Variants in TMEM182 observed in about 807,000 individuals in gnomAD.
TMEM182 encodes the protein transmembrane protein 182.
Under a neutral mutation model 26.8 loss-of-function variants are expected in TMEM182, and 20 were observed. The ratio of observed to expected loss-of-function variants is 0.75; its 90% CI spans 0.53 to 1.09. TMEM182 has a LOEUF of 1.09. TMEM182 is among the 50% of genes least tolerant of loss of function. The pLI, the probability that TMEM182 is intolerant of heterozygous loss-of-function variation, is 0.00. For missense variants in TMEM182, 277 were observed against 275.5 expected (o/e 1.01, Z -0.04); for synonymous variants, 109 against 102.2 (o/e 1.07, Z -0.40).
At chr2:102,772,637 G>C (rs1481249370) in intron 3 of TMEM182, among the ~76,000 whole-genome samples, 1 of 152,108 alleles carries the variant, frequency 6.6e-6, no homozygotes, top group Non-Finnish European at 1.5e-5. Context: ...TGGGCTTCCG[G>C]TCTGCCTTCA....
chr2:102,837,897 C>T (rs759870165), intron 3 of TMEM182, among the ~76,000 whole-genome samples: 26 of 152,266 alleles, frequency 1.7e-4, no homozygotes, highest in Non-Finnish European at 1.0e-4. Context: ...GGGCTAGCTA[C>T]GTCATTCATG....
chr2:102,778,035 T>C (rs962385711), intron 3 of TMEM182, among the ~76,000 whole-genome samples: 2 of 152,040 alleles, frequency 1.3e-5, no homozygotes, highest in East Asian at 3.8e-4. Context: ...TGGTTGATGA[T>C]GATGTCTAGT....
intron 1 of TMEM182, among the ~76,000 whole-genome samples, chr2:102,748,048 C>A (rs1479536165): frequency 6.6e-6 from 1 of 152,196 alleles, no homozygotes; most frequent in African/African-American, 2.4e-5. Context: ...GAGGCCCATG[C>A]CCCTTCCATT....
chr2:102,762,299 G>A lies in TMEM182; in HGVS notation c.82G>A (p.Asp28Asn), dbSNP rs1003532541. Reference sequence around the variant, plus strand: ...ACTCTTTTTGGTGGCTTTTGGATCGGATTATTGGCTTCTTGCAACTGAAGT... The same window carrying A: ...ACTCTTTTTGGTGGCTTTTGGATCGAATTATTGGCTTCTTGCAACTGAAGT... ...VLLFLVAFGS[D>N]YWLLATEVGR... Residue 28 changes from aspartate (D) to asparagine (N), a missense_variant, in exon 1 of 5, where the codon GAT (aspartate) becomes AAT (asparagine). Transcript: ENST00000412401. The A allele has an allele frequency of 1.2e-6, 2 of 1,613,928 alleles. No individual in the cohort carries two copies. Among genetic ancestry groups the A allele is most frequent in the Non-Finnish European group, 1.7e-6 (2 of 1,179,922 alleles).
chr2:102,830,370 G>C lies in TMEM182; in HGVS notation c.326-13042G>C, dbSNP rs954362920. Among the ~76,000 whole-genome samples the C allele has an allele frequency of 2.0e-5, 3 of 152,258 alleles. No homozygotes were observed. In the South Asian group the frequency reaches 6.2e-4, roughly 32 times the overall value. ...TGAAGTCATGGGGCTTTCAGCACTT[G>C]GGTTTTAAGGGTTCTGTGTATAGAT... is the stretch of plus-strand genomic sequence containing the variant. On this transcript the variant is annotated intron_variant, in intron 3 of 3. Coordinates refer to the TMEM182 transcript ENST00000486293.
At chr2:102,814,331 A>G (rs1033467942) in intron 4 of TMEM182, among the ~76,000 whole-genome samples, 2 of 152,146 alleles carry the variant, frequency 1.3e-5, no homozygotes, top group Non-Finnish European at 2.9e-5. Flanking sequence ...TGGTAAGTGT[A>G]CCTATTTCAA....
chr2:102,803,688 T>A (rs1682235599), intron 4 of TMEM182, among the ~76,000 whole-genome samples: 1 of 152,196 alleles, frequency 6.6e-6, no homozygotes, highest in African/African-American at 2.4e-5. Context: ...CTCATTTTCC[T>A]TTGGCTGAGG....
intron 3 of TMEM182, among the ~76,000 whole-genome samples, chr2:102,828,724 A>G (rs574515700): frequency 5.3e-5 from 8 of 152,252 alleles, no homozygotes; most frequent in African/African-American, 1.9e-4. Flanking sequence ...ACCCCACAAT[A>G]GGAGCTCAGT....
chr2:102,745,670 T>A (rs1679673020), intron 1 of TMEM182, among the ~76,000 whole-genome samples: 1 of 152,168 alleles, frequency 6.6e-6, no homozygotes, highest in Non-Finnish European at 1.5e-5. Flanking sequence ...AGACAACAGC[T>A]AATAAACTTT....
chr2:102,839,834 C>G (rs1002786559), intron 3 of TMEM182, among the ~76,000 whole-genome samples: 4 of 152,136 alleles, frequency 2.6e-5, no homozygotes, highest in African/African-American at 9.7e-5. Context: ...AGAAGCCCAG[C>G]AATTCTACAA....
At chr2:102,741,061 T>C (rs1442593448) in intron 1 of TMEM182, among the ~76,000 whole-genome samples, 1 of 152,180 alleles carries the variant, frequency 6.6e-6, no homozygotes, top group African/African-American at 2.4e-5. Flanking sequence ...ACTTCCATTA[T>C]TAAAACAAAC....
chr2:102,837,554 AG>A (rs2104780511), intron 3 of TMEM182, among the ~76,000 whole-genome samples: 1 of 1,606 alleles, frequency 6.2e-4, no homozygotes, highest in African/African-American at 2.6e-3. Context: ...CGGGGGGTTC[AG>A]GGGGTCTGGG....
chr2:102,791,081 G>C (rs749173039), intron 3 of TMEM182, among the ~76,000 whole-genome samples: 1 of 151,988 alleles, frequency 6.6e-6, no homozygotes, highest in Non-Finnish European at 1.5e-5. Context: ...GATTAGAGGC[G>C]TATGCCACCA....
chr2:102,774,639 T>C (rs1680831743), intron 3 of TMEM182, among the ~76,000 whole-genome samples: 1 of 152,188 alleles, frequency 6.6e-6, no homozygotes, highest in Non-Finnish European at 1.5e-5. Context: ...CTAATTTTTG[T>C]ATAAGATGTG....
chr2:102,737,215 T>C (rs1313329308), intron 1 of TMEM182, among the ~76,000 whole-genome samples: 2 of 152,172 alleles, frequency 1.3e-5, no homozygotes, highest in Admixed American at 1.3e-4. Context: ...AGACCTAGGA[T>C]ACGTTAACGT....
chr2:102,800,797 TTGTGTGTGTGTGTGTGTGTG>T (rs71378190), intron 4 of TMEM182, among the ~76,000 whole-genome samples: 3 of 137,788 alleles, frequency 2.2e-5, no homozygotes, highest in Admixed American at 7.3e-5. Context: ...TTTGGACAGT[TTGTGTGTGTGTGTGTGTGTG>T]TGTGTGTGTG....
Position 102,817,276 on chromosome 2 carries a change from CT to C in TMEM182, c.*2311del. 2.0e-6 allele frequency: 2 copies of C among 985,244 alleles called. No individual in the cohort carries two copies. The highest frequency in any genetic ancestry group is 5.2e-4 in the Middle Eastern group (1 of 1,914). 61.0% of individuals were successfully genotyped at this position (985,244 alleles called of 1,614,324 possible). On this transcript the variant is annotated 3_prime_UTR_variant, in exon 5 of 5. Coordinates refer to ENST00000412401, the MANE Select transcript of TMEM182 (RefSeq NM_144632.5). ...GTTGTATTTATTAATTTTTAGAAGC[CT>C]TTAAACTGTGTTAGAATCTTTTTGA...
At chr2:102,789,814 TC>T (rs869191401) in intron 3 of TMEM182, among the ~76,000 whole-genome samples, 2 of 136,226 alleles carry the variant, frequency 1.5e-5, no homozygotes, top group African/African-American at 5.3e-5. Context: ...CAACCACTTT[TC>T]CAGGTTCCCC....
chr2:102,814,086 G>GTATATA (rs3080288), intron 4 of TMEM182, among the ~76,000 whole-genome samples: 2 of 148,566 alleles, frequency 1.3e-5, no homozygotes, highest in African/African-American at 2.5e-5. Context: ...TCTTTAGTGT[G>GTATATA]TATATATATA....
Sources: allele counts gnomAD v4.1 joint callset (sites outside exome capture counted in the v4.1 genomes callset), GRCh38; gene constraint gnomAD v4.1.1; transcripts MANE v1.5; gene names NCBI Gene and HGNC (gene_info 2026-07-23, HGNC 2026-07-21).